SLC1A1: variants seen among roughly 807,000 people sequenced by gnomAD.
SLC1A1 encodes excitatory amino acid transporter 3.
In SLC1A1, 43 loss-of-function variants were observed where a neutral mutation model predicts 53.3. That is an observed-to-expected ratio of 0.81 (90% CI 0.63 to 1.04). SLC1A1 has a LOEUF of 1.04. Among genes scored for constraint, SLC1A1 ranks in the 50% least tolerant of loss-of-function variants. The probability of loss-of-function intolerance (pLI) is 0.00; values close to 1 mark genes in which losing one functional copy is unlikely to be tolerated. For synonymous variants in SLC1A1, 307 were observed against 243.2 expected, an observed-to-expected ratio of 1.26 and a Z score of -2.44; for missense variants, 748 against 664.9, an observed-to-expected ratio of 1.12 and a Z score of -1.37.
In SLC1A1 at chr9:4,568,709, A is replaced by AAAC. The variant is rs199888011; in HGVS notation, c.582+944_582+945insCAA. Among the ~76,000 whole-genome samples the AAAC allele has an allele frequency of 7.9e-3, 1,206 of 151,938 alleles. 17 individuals carry two copies. The highest frequency in any genetic ancestry group is 0.028 in the African/African-American group (1,145 of 41,392). On this transcript the variant is annotated intron_variant, in intron 6 of 11. Transcript: ENST00000262352. ...GACTCTTGTTTCAAAAAAAAAAAAA[A>AAAC]AAACATACACACAAAAAAGCATCAT...
chr9:4,584,251 A>G (rs1345604059), intron 11 of SLC1A1, among the ~76,000 whole-genome samples: 1 of 152,250 alleles, frequency 6.6e-6, no homozygotes, highest in Non-Finnish European at 1.5e-5. Flanking sequence ...CTGGCTTGGA[A>G]GCTGTGCCAT....
At chr9:4,553,613 TGCCTCA>T (rs1273957681) in intron 2 of SLC1A1, 2 of 152,262 alleles carry the variant, frequency 1.3e-5, no homozygotes, top group East Asian at 1.9e-4. Context: ...GTGATCCACT[TGCCTCA>T]GCCTCCCAAA....
At chr9:4,542,399 G>A (rs555610115) in intron 1 of SLC1A1, among the ~76,000 whole-genome samples, 1 of 152,112 alleles carries the variant, frequency 6.6e-6, no homozygotes, top group Non-Finnish European at 1.5e-5. Flanking sequence ...CTGAAAAATA[G>A]CAAGTACATA....
intron 1 of SLC1A1, among the ~76,000 whole-genome samples, chr9:4,539,626 C>T (rs547153206): frequency 2.4e-4 from 36 of 152,188 alleles, no homozygotes; most frequent in African/African-American, 8.7e-4. Context: ...GGCTGGAGTA[C>T]AGTGGCATGA....
At chr9:4,522,793 A>T (rs1816128328) in intron 1 of SLC1A1, among the ~76,000 whole-genome samples, 1 of 152,136 alleles carries the variant, frequency 6.6e-6, no homozygotes, top group African/African-American at 2.4e-5. Flanking sequence ...CTATCATGAG[A>T]ACAACATGTG....
intron 1 of SLC1A1, among the ~76,000 whole-genome samples, chr9:4,495,652 G>C (rs999413895): frequency 1.3e-5 from 2 of 152,026 alleles, no homozygotes; most frequent in Non-Finnish European, 2.9e-5. Context: ...TCAAGGAGTA[G>C]AATGAGGGAG....
chr9:4,566,914 G>C (rs879783744), intron 5 of SLC1A1, among the ~76,000 whole-genome samples: 2 of 152,122 alleles, frequency 1.3e-5, no homozygotes, highest in African/African-American at 2.4e-5. Flanking sequence ...ACAGACTTCT[G>C]TGTATACCAA....
intron 8 of SLC1A1, 145 bp from the exon 9 acceptor site, chr9:4,575,856 G>A (rs754402517): frequency 1.7e-5 from 14 of 827,940 alleles, no homozygotes; most frequent in South Asian, 7.5e-5. Flanking sequence ...GGAATGGGAC[G>A]TATATTCCTG....
intron 6 of SLC1A1, among the ~76,000 whole-genome samples, chr9:4,571,843 GTT>G (rs925369547): frequency 4.6e-5 from 7 of 152,038 alleles, no homozygotes; most frequent in Admixed American, 2.6e-4. Context: ...TAATTCCTGT[GTT>G]TTTTTAAGCA....
intron 1 of SLC1A1, among the ~76,000 whole-genome samples, chr9:4,534,660 T>C (rs1301441886): frequency 4.7e-5 from 7 of 150,130 alleles, no homozygotes; most frequent in African/African-American, 1.7e-4. Flanking sequence ...CCATTCCTTC[T>C]GAAACTATTC....
At position 4,574,024 on chromosome 9, in the gene SLC1A1, A is replaced by G. The variant is rs1431528411; in HGVS notation, c.875+10A>G. ...CCACAGTCCTGACTGGGTATGTCAG[A>G]CTCAAGAGAAGAGACAGAAACCTCC... On this transcript the variant is annotated intron_variant, in intron 8 of 11. Coordinates refer to ENST00000262352, the MANE Select transcript of SLC1A1 (RefSeq NM_004170.6). The G allele has an allele frequency of 1.3e-6, 2 of 1,558,442 alleles. No homozygotes were observed. Among genetic ancestry groups the G allele is most frequent in the African/African-American group, 1.4e-5 (1 of 73,836 alleles).
At position 4,549,487 on chromosome 9, in the gene SLC1A1, C is replaced by T. The variant is rs972060796; in HGVS notation, c.232+4780C>T. On this transcript the variant is annotated intron_variant, in intron 2 of 11. Transcript: ENST00000262352. This position sits in a 1 kb window ranked among gnomAD's most constrained non-coding sequence, Gnocchi z 4.1. ...CATCCAACTGCTCCCTGAAGGGGCT[C>T]CCAGGGCCTCTTAACAGGGATGCCC... Among the ~76,000 whole-genome samples the T allele has an allele frequency of 6.6e-6, 1 of 152,284 alleles. No individual in the cohort carries two copies. Among genetic ancestry groups the T allele is most frequent in the East Asian group, 1.9e-4 (1 of 5,172 alleles).
intron 8 of SLC1A1, among the ~76,000 whole-genome samples, chr9:4,574,532 G>A (rs1392608611): frequency 1.3e-5 from 2 of 152,126 alleles, no homozygotes; most frequent in Admixed American, 1.3e-4. Flanking sequence ...AGGGTGCCAG[G>A]AGAATCTTGA....
chr9:4,542,190 C>CGGAG (rs138202591), intron 1 of SLC1A1, among the ~76,000 whole-genome samples: 5 of 150,898 alleles, frequency 3.3e-5, no homozygotes, highest in East Asian at 3.9e-4. Flanking sequence ...GGGAGAGACA[C>CGGAG]GGAGGGAGGG....
At chr9:4,531,452 C>T (rs956604574) in intron 1 of SLC1A1, among the ~76,000 whole-genome samples, 2 of 152,194 alleles carry the variant, frequency 1.3e-5, no homozygotes, top group Non-Finnish European at 2.9e-5. Flanking sequence ...CAGAGACTCA[C>T]TCATTGCTAG....
intron 2 of SLC1A1, among the ~76,000 whole-genome samples, chr9:4,546,749 A>C (rs2130883006): frequency 6.6e-6 from 1 of 152,282 alleles, no homozygotes; most frequent in South Asian, 2.1e-4. Flanking sequence ...CACCCACCTC[A>C]ACCTCCCAAA....
chr9:4,510,420 G>C (rs921754472), intron 1 of SLC1A1, among the ~76,000 whole-genome samples: 10 of 152,164 alleles, frequency 6.6e-5, no homozygotes, highest in Non-Finnish European at 1.3e-4. Context: ...CTAATTGTAA[G>C]CAACAGAAAA....
intron 1 of SLC1A1, among the ~76,000 whole-genome samples, chr9:4,501,384 G>C (rs1253091589): frequency 6.6e-6 from 1 of 151,502 alleles, no homozygotes; most frequent in African/African-American, 2.4e-5. Context: ...CACCCTCAGA[G>C]AGGGTCCACA....
intron 1 of SLC1A1, among the ~76,000 whole-genome samples, chr9:4,504,562 T>C (rs769290409): frequency 6.6e-6 from 1 of 152,256 alleles, no homozygotes; most frequent in African/African-American, 2.4e-5. Context: ...CTGCTGCCGC[T>C]TCTTGGATTT....
Sources: gnomAD v4.1 joint callset for allele counts (sites outside exome capture counted in the v4.1 genomes callset) on GRCh38, gnomAD v4.1.1 for gene constraint, Gnocchi (gnomAD v3.1) non-coding constraint, MANE v1.5 for transcripts, NCBI Gene and HGNC (gene_info 2026-07-23, HGNC 2026-07-21) for gene names.